Variants in SPOCK3 observed in about 807,000 individuals in gnomAD.
SPOCK3 encodes testican-3.
Under a neutral mutation model 56.6 loss-of-function variants are expected in SPOCK3, and 30 were observed. That is an observed-to-expected ratio of 0.53 (90% confidence interval 0.40 to 0.72). SPOCK3 has a LOEUF of 0.72. Among genes scored for constraint, SPOCK3 ranks in the 30% least tolerant of loss-of-function variants. The pLI is 0.00. For missense variants in SPOCK3, 527 were observed against 530.0 expected (o/e 0.99, Z 0.06); for synonymous variants, 196 against 183.3 (o/e 1.07, Z -0.56).
intron 6 of SPOCK3, among the ~76,000 whole-genome samples, chr4:166,841,897 G>A (rs1222632023): frequency 6.6e-6 from 1 of 152,194 alleles, no homozygotes; most frequent in Non-Finnish European, 1.5e-5. Flanking sequence ...CTTGCGATGA[G>A]TGTTACAGTT....
rs559703106 is a variant in SPOCK3 at position 166,800,284 on chromosome 4, G to A, written c.590-7995C>T. 6.8e-4 allele frequency among the ~76,000 whole-genome samples: 102 copies of A among 150,046 alleles called. No individual in the cohort carries two copies. The Middle Eastern group carries it at 0.024, about 36-fold the overall frequency. On this transcript the variant is annotated intron_variant, in intron 6 of 10. Coordinates refer to ENST00000357545, the MANE Select transcript of SPOCK3 (RefSeq NM_001040159.2). The stretch of plus-strand genomic sequence containing the variant: ...CATGGTGCATTATCTGATTACAAGC[G>A]AATTTATGATTTAAAAAAAGAAATA...
chr4:167,096,335 A>C (rs1268436290), intron 2 of SPOCK3, among the ~76,000 whole-genome samples: 1 of 151,954 alleles, frequency 6.6e-6, no homozygotes, highest in Non-Finnish European at 1.5e-5. Context: ...AATTTTTCTA[A>C]GGTGTAAACT....
chr4:167,038,405 A>T (rs1181041979), intron 3 of SPOCK3, among the ~76,000 whole-genome samples: 1 of 152,202 alleles, frequency 6.6e-6, no homozygotes, highest in African/African-American at 2.4e-5. Flanking sequence ...GTTCTTGCCA[A>T]GGTGGCTCTG....
At chr4:166,803,408 T>C (rs1742827427) in intron 6 of SPOCK3, among the ~76,000 whole-genome samples, 1 of 152,104 alleles carries the variant, frequency 6.6e-6, no homozygotes. Flanking sequence ...AGCAGGCATT[T>C]GGGCAGTAGT....
chr4:166,867,638 A>G (rs1395045883), intron 6 of SPOCK3, among the ~76,000 whole-genome samples: 1 of 151,556 alleles, frequency 6.6e-6, no homozygotes, highest in African/African-American at 2.4e-5. Context: ...TTACAGGTAA[A>G]TTATTTAATG....
At chr4:167,125,990 CT>C (rs1561244081) in intron 2 of SPOCK3, among the ~76,000 whole-genome samples, 1 of 152,154 alleles carries the variant, frequency 6.6e-6, no homozygotes. Context: ...AAGTTACACA[CT>C]TTATTTTTAC....
At chr4:167,069,988 T>G (rs1357119735) in intron 2 of SPOCK3, among the ~76,000 whole-genome samples, 1 of 151,966 alleles carries the variant, frequency 6.6e-6, no homozygotes, top group Non-Finnish European at 1.5e-5. Context: ...CCAAACTTAC[T>G]TTCCTGACTA....
chr4:167,037,796 T>G (rs571481550), intron 3 of SPOCK3, among the ~76,000 whole-genome samples: 1 of 152,384 alleles, frequency 6.6e-6, no homozygotes, highest in East Asian at 1.9e-4. Flanking sequence ...AAATATATAA[T>G]TTGACATAAC....
chr4:166,924,846 A>T (rs1738899417), intron 4 of SPOCK3, among the ~76,000 whole-genome samples: 1 of 152,242 alleles, frequency 6.6e-6, no homozygotes, highest in East Asian at 1.9e-4. Context: ...AATCTAGTGC[A>T]ACTTGTTAGA....
chr4:166,835,883 G>GT (rs1746560136), intron 6 of SPOCK3, among the ~76,000 whole-genome samples: 1 of 152,092 alleles, frequency 6.6e-6, no homozygotes, highest in Non-Finnish European at 1.5e-5. Context: ...GTGCATGCCT[G>GT]TAATTCCAGC....
intron 3 of SPOCK3, among the ~76,000 whole-genome samples, chr4:167,051,286 T>C (rs560758513): frequency 6.6e-6 from 1 of 152,200 alleles, no homozygotes; most frequent in African/African-American, 2.4e-5. Flanking sequence ...CAGCAAGGAC[T>C]GAGAATCACT....
At position 166,754,180 on chromosome 4, in the gene SPOCK3, C is replaced by T. The variant is rs983240508; in HGVS notation, c.931+328G>A. ...CATTTATTTTACATTGTGGGCAAAG[C>T]AGATAGCAAATTAATTTTAATGATT... On this transcript the variant is annotated intron_variant, in intron 8 of 10. Transcript: ENST00000357545. The T allele has an allele frequency of 6.8e-6, 7 of 1,031,802 alleles. No homozygotes were observed. The East Asian group carries it at 4.1e-4, about 61-fold the overall frequency. The allele number at this position is 1,031,802 out of a possible 1,614,324, so 63.9% of individuals were successfully genotyped here.
At chr4:166,821,596 C>G (rs547209153) in intron 6 of SPOCK3, among the ~76,000 whole-genome samples, 10 of 152,000 alleles carry the variant, frequency 6.6e-5, no homozygotes, top group African/African-American at 2.4e-4. Context: ...AAATACTATG[C>G]AGCAATAAAA....
chr4:167,110,014 G>C (rs1018660840), intron 2 of SPOCK3, among the ~76,000 whole-genome samples: 1 of 151,844 alleles, frequency 6.6e-6, no homozygotes, highest in African/African-American at 2.4e-5. Context: ...ACTCCCTGAT[G>C]CCTTCCTCTC....
chr4:167,094,925 G>A (rs181689319), intron 2 of SPOCK3, among the ~76,000 whole-genome samples: 10 of 152,132 alleles, frequency 6.6e-5, no homozygotes, highest in African/African-American at 1.2e-4. Context: ...CAGAAGACCC[G>A]ATGGTATTGA....
intron 7 of SPOCK3, among the ~76,000 whole-genome samples, chr4:166,762,245 T>C (rs980701140): frequency 7.9e-5 from 12 of 152,122 alleles, no homozygotes; most frequent in Admixed American, 3.9e-4. Context: ...AAAATGTAGA[T>C]TAGGTCCCTA....
At chr4:167,199,112 A>T (rs1733249244) in intron 2 of SPOCK3, among the ~76,000 whole-genome samples, 1 of 152,162 alleles carries the variant, frequency 6.6e-6, no homozygotes. Flanking sequence ...AAAGCAGCAC[A>T]GCACTGATTG....
intron 2 of SPOCK3, among the ~76,000 whole-genome samples, chr4:167,101,057 T>C (rs1759595518): frequency 6.6e-6 from 1 of 152,106 alleles, no homozygotes; most frequent in Admixed American, 6.6e-5. Flanking sequence ...CTCGACATTC[T>C]CATTAATATT....
chr4:166,883,539 A>G (rs1733883629), intron 6 of SPOCK3, among the ~76,000 whole-genome samples: 1 of 152,194 alleles, frequency 6.6e-6, no homozygotes, highest in South Asian at 2.1e-4. Context: ...TTTCATGGGT[A>G]CCAATGATCT....
Sources: gnomAD v4.1 joint callset for allele counts (sites outside exome capture counted in the v4.1 genomes callset) on GRCh38, gnomAD v4.1.1 for gene constraint, MANE v1.5 for transcripts, NCBI Gene and HGNC (gene_info 2026-07-23, HGNC 2026-07-21) for gene names.